The following SLC20A2 variants were observed in gnomAD, a reference collection of about 807,000 sequenced individuals.
The protein encoded by SLC20A2 is sodium-dependent phosphate transporter 2.
SLC20A2 carries 30 observed loss-of-function variants against 61.0 expected under a neutral mutation model. The ratio of observed to expected loss-of-function variants is 0.49; its 90% confidence interval spans 0.37 to 0.67. The LOEUF is 0.67. Among genes scored for constraint, SLC20A2 ranks in the 30% least tolerant of loss-of-function variants. The pLI is 0.00. For synonymous variants in SLC20A2, 351 were observed against 353.3 expected (o/e 0.99, Z 0.07); for missense variants, 626 against 866.4 (o/e 0.72, Z 3.48).
chr8:42,523,001 G>A (rs372813544), intron 1 of SLC20A2, among the ~76,000 whole-genome samples: 101 of 151,954 alleles, frequency 6.6e-4, no homozygotes, highest in East Asian at 3.5e-3. Flanking sequence ...CTGGGATTGC[G>A]GGTATGCACC....
chr8:42,488,180 C>CTTTTTTTT (rs35200743), intron 1 of SLC20A2, among the ~76,000 whole-genome samples: 2 of 87,026 alleles, frequency 2.3e-5, no homozygotes, highest in Non-Finnish European at 4.2e-5. Flanking sequence ...AATAATACTG[C>CTTTTTTTT]TTTTTTTTTT....
At position 42,430,109 on chromosome 8, in the gene SLC20A2, A is replaced by G; in HGVS notation, c.1664T>C (p.Val555Ala). The G allele has an allele frequency of 6.2e-7, 1 of 1,612,902 alleles. No homozygotes were observed. ...CTGLWVWGRRVIQTMGKDLTP... is the reference protein window; with the variant it reads ...CTGLWVWGRRAIQTMGKDLTP... ...GAGGTCCTTCCCCATGGTCTGGATC[A>G]CTCTTCTCCCCCAGACCCAGAGGCC... The change falls in exon 9 of 11, where the codon GTG becomes GCG. Residue 555 changes from valine to alanine, a missense_variant. Coordinates refer to ENST00000520262, the MANE Select transcript of SLC20A2 (RefSeq NM_001257180.2).
rs527490209 is a variant in SLC20A2, at chr8:42,490,396, A to G, written c.-265+10635T>C. Among the ~76,000 whole-genome samples the G allele has an allele frequency of 3.3e-5, 5 of 152,134 alleles. No individual in the cohort carries two copies. The East Asian group carries it at 9.7e-4, about 29-fold the overall frequency. On this transcript the variant is annotated intron_variant, in intron 1 of 10. Coordinates refer to ENST00000520262, the MANE Select transcript of SLC20A2 (RefSeq NM_001257180.2). ...GTGGATCACTTGAGGCCAGGAGTTC[A>G]AGACCAGCCTGGCCAAAATGGTAAA...
intron 10 of SLC20A2, among the ~76,000 whole-genome samples, chr8:42,418,419 G>A (rs1303206553): frequency 6.6e-6 from 1 of 151,374 alleles, no homozygotes; most frequent in Non-Finnish European, 1.5e-5. Context: ...CTCCCTCCTT[G>A]GCCTCCCAAA....
intron 3 of SLC20A2, among the ~76,000 whole-genome samples, 163 bp downstream of exon 3, chr8:42,465,614 C>T (rs1316119562): frequency 1.3e-5 from 2 of 151,322 alleles, no homozygotes; most frequent in African/African-American, 4.9e-5. Flanking sequence ...TGGCTTGAAC[C>T]CGGGAGGTGG....
rs185870087 is a variant in SLC20A2, at chr8:42,491,027, A to G, written c.-265+10004T>C. ...AGCAAACAAAAAAACAAGTAAACAAAAAAAAGACAAAAAAGAGGAAAACAA... is the reference window on the plus strand; with the variant it reads ...AGCAAACAAAAAAACAAGTAAACAAGAAAAAGACAAAAAAGAGGAAAACAA... On this transcript the variant is annotated intron_variant, in intron 1 of 10. Coordinates refer to ENST00000520262, the MANE Select transcript of SLC20A2 (RefSeq NM_001257180.2). Among the ~76,000 whole-genome samples, 12 of 152,368 alleles carry G rather than the reference A, an allele frequency of 7.9e-5. No individual in the cohort carries two copies. In the East Asian group the frequency reaches 2.1e-3, roughly 27 times the overall value.
chr8:42,506,514 G>A (rs952419107), intron 1 of SLC20A2, among the ~76,000 whole-genome samples: 2 of 152,238 alleles, frequency 1.3e-5, no homozygotes, highest in Non-Finnish European at 2.9e-5. Context: ...CTTGCTGAAG[G>A]GCAATTTGGG....
intron 5 of SLC20A2, among the ~76,000 whole-genome samples, chr8:42,456,350 G>C (rs1806196118): frequency 6.6e-6 from 1 of 152,154 alleles, no homozygotes; most frequent in African/African-American, 2.4e-5. Context: ...CACTGGCTCA[G>C]TCTCTTAAGT....
chr8:42,486,019 G>T (rs1808975717), intron 1 of SLC20A2, among the ~76,000 whole-genome samples: 2 of 151,948 alleles, frequency 1.3e-5, no homozygotes, highest in African/African-American at 4.8e-5. Flanking sequence ...TTATAAACTG[G>T]AGGGCAACCA....
rs1035283399 is a variant in SLC20A2 at position 42,465,998 on chromosome 8, A to G, written c.290-81T>C. On this transcript the variant is annotated intron_variant, in intron 2 of 10. Transcript: ENST00000520262. Reference sequence around the variant, plus strand: ...AAGGGAAGAAATCCAAATGTTTTCCATAACAACATCTCCCAGAGTTTAATT... The same window carrying G: ...AAGGGAAGAAATCCAAATGTTTTCCGTAACAACATCTCCCAGAGTTTAATT... 128 of 1,251,004 alleles carry G rather than the reference A, an allele frequency of 1.0e-4. No homozygotes were observed. The African/African-American group carries it at 1.5e-3, about 15-fold the overall frequency. The allele number at this position is 1,251,004 out of a possible 1,614,324, so 77.5% of individuals were successfully genotyped here. A position where few individuals can be genotyped will look rare whatever the true frequency, so the allele number is the denominator to read the frequency against.
At chr8:42,505,199 CCCAGGCTCAAGCGATCCTCCCACCTT>C (rs1291778959), upstream of SLC20A2, among the ~76,000 whole-genome samples, 1 of 151,984 alleles carries the variant, frequency 6.6e-6, no homozygotes, top group African/African-American at 2.4e-5. Context: ...ACCTCCACCT[CCCAGGCTCAAGCGATCCTCCCACCTT>C]AGCCTCCCAA....
chr8:42,485,590 C>T (rs147752846), intron 1 of SLC20A2, among the ~76,000 whole-genome samples: 1,765 of 136,848 alleles, frequency 0.013, 20 homozygotes, highest in Middle Eastern at 0.027. Context: ...TGCAGTGAGC[C>T]GAGACCGTGT....
chr8:42,480,697 T>C (rs1021042740), intron 1 of SLC20A2, among the ~76,000 whole-genome samples: 5 of 152,232 alleles, frequency 3.3e-5, no homozygotes, highest in Admixed American at 1.3e-4. Context: ...AGTCGGTCTG[T>C]TGTCTAGGCT....
At chr8:42,486,988 T>A (rs910757853) in intron 1 of SLC20A2, among the ~76,000 whole-genome samples, 1 of 152,002 alleles carries the variant, frequency 6.6e-6, no homozygotes, top group Non-Finnish European at 1.5e-5. Flanking sequence ...TGCCTCAGCC[T>A]CCCGGGTAGC....
Position 42,472,628 on chromosome 8 carries a change from G to C in SLC20A2, c.-238C>G, listed in dbSNP as rs997471307. 13 of 465,606 alleles carry C rather than the reference G, an allele frequency of 2.8e-5. No homozygotes were observed. The highest frequency in any genetic ancestry group is 4.6e-5 in the Non-Finnish European group (12 of 259,182). 28.8% of individuals were successfully genotyped at this position (465,606 alleles called of 1,614,324 possible). ...AAACACATTCCATATTTTTCCTCCC[G>C]ATCTGGGAAAGCTGTGATGTCTCCT... On this transcript the variant is annotated 5_prime_UTR_variant, in exon 2 of 11. In the 5' UTR this introduces an upstream ATG that the reference lacks. Coordinates refer to ENST00000520262, the MANE Select transcript of SLC20A2 (RefSeq NM_001257180.2). The surrounding 1 kb of genome is among the most constrained non-coding windows in gnomAD (Gnocchi z 4.1).
At chr8:42,533,300 CAA>C (rs984955080) in intron 1 of SLC20A2, among the ~76,000 whole-genome samples, 1 of 152,106 alleles carries the variant, frequency 6.6e-6, no homozygotes, top group Non-Finnish European at 1.5e-5. Context: ...TCGTTCTAAT[CAA>C]CAAACTACTT....
rs559889413 is a variant in SLC20A2 at position 42,454,636 on chromosome 8, T to G, written c.613+5260A>C. On this transcript the variant is annotated intron_variant, in intron 5 of 10. Coordinates refer to ENST00000520262, the MANE Select transcript of SLC20A2 (RefSeq NM_001257180.2). ...CCTTACACAGATTTTTTTTTTTTTT[T>G]GAGACAGGGCCTCGCTTTGTCATCT... Among the ~76,000 whole-genome samples, 42 of 149,764 alleles carry G rather than the reference T, an allele frequency of 2.8e-4. No homozygotes were observed. In the South Asian group the frequency reaches 8.5e-3, roughly 30 times the overall value.
chr8:42,515,621 C>T (rs1811279907), intron 1 of SLC20A2, among the ~76,000 whole-genome samples: 1 of 152,066 alleles, frequency 6.6e-6, no homozygotes, highest in South Asian at 2.1e-4. Context: ...AGATTTGAAT[C>T]CACGAGGCTA....
At chr8:42,498,849 C>T (rs1408375658) in intron 1 of SLC20A2, among the ~76,000 whole-genome samples, 2 of 152,154 alleles carry the variant, frequency 1.3e-5, no homozygotes, top group African/African-American at 4.8e-5. Context: ...AGCGCAGTTC[C>T]CATTTAGCCA....
Sources: allele counts gnomAD v4.1 joint callset (sites outside exome capture counted in the v4.1 genomes callset), GRCh38; gene constraint gnomAD v4.1.1; non-coding constraint Gnocchi (gnomAD v3.1); transcripts MANE v1.5; gene names NCBI Gene and HGNC (gene_info 2026-07-23, HGNC 2026-07-21).